NIPAL2: variants seen among roughly 807,000 people sequenced by gnomAD.
NIPAL2 encodes NIPA-like protein 2.
Under a neutral mutation model 48.9 loss-of-function variants are expected in NIPAL2, and 43 were observed. That is an observed-to-expected ratio of 0.88 (90% CI 0.69 to 1.13). The LOEUF (loss-of-function observed/expected upper bound fraction) is 1.13, where lower values mean the gene tolerates loss of function less well. Among genes scored for constraint, NIPAL2 ranks in the 50% most tolerant of loss-of-function variants. NIPAL2 has a pLI of 0.00. For missense variants in NIPAL2, 446 were observed against 461.4 expected (o/e 0.97, Z 0.31); for synonymous variants, 167 against 174.6 (o/e 0.96, Z 0.34).
Position 98,240,855 on chromosome 8 carries a change from G to A in NIPAL2, c.377-4641C>T, listed in dbSNP as rs1409065427. On this transcript the variant is annotated intron_variant, in intron 3 of 10. Coordinates refer to ENST00000430223, the MANE Select transcript of NIPAL2 (RefSeq NM_001321635.2). The stretch of plus-strand genomic sequence containing the variant: ...TGGCCGGGTGCTGGGCTGGGATGTA[G>A]AACACCTGGGTTTGAGTGTTGCTCT... Among the ~76,000 whole-genome samples the A allele has an allele frequency of 3.3e-5, 5 of 152,208 alleles. No homozygotes were observed. The East Asian group carries it at 9.6e-4, about 29-fold the overall frequency.
At chr8:98,222,667 T>C in intron 4 of NIPAL2, 67 bp from the exon 5 acceptor site, 1 of 1,525,704 alleles carries the variant, frequency 6.6e-7, no homozygotes, top group Non-Finnish European at 9.0e-7. Context: ...ACGCAGACAT[T>C]GCCTAGAGAC....
Position 98,222,556 on chromosome 8 carries a change from C to G in NIPAL2, c.481G>C (p.Ala161Pro). Residue 161 changes from alanine (A) to proline (P), a missense_variant, in exon 5 of 11, where the codon GCT (alanine) becomes CCT (proline). Transcript: ENST00000430223. ...GAGATTGCCTGAGTTATATTTGGAGCAAAGTTCACCAGTAAATATGTTCCT... is the reference window on the plus strand; with the variant it reads ...GAGATTGCCTGAGTTATATTTGGAGGAAAGTTCACCAGTAAATATGTTCCT... ...FAGTYLLVNFAPNITQAISAR... is the reference protein window; with the variant it reads ...FAGTYLLVNFPPNITQAISAR... The G allele has an allele frequency of 6.2e-7, 1 of 1,614,000 alleles. No homozygotes were observed. Among genetic ancestry groups the G allele is most frequent in the Non-Finnish European group, 8.5e-7 (1 of 1,179,898 alleles).
At chr8:98,261,499 G>A (rs1334457835) in intron 1 of NIPAL2, among the ~76,000 whole-genome samples, 4 of 144,616 alleles carry the variant, frequency 2.8e-5, no homozygotes, top group Non-Finnish European at 6.0e-5. Flanking sequence ...CTCAGGAGCC[G>A]ATGCGATCAA....
Position 98,278,119 on chromosome 8 carries a change from C to T in NIPAL2, c.135+15884G>A, listed in dbSNP as rs554649669. Reference sequence around the variant, plus strand: ...GTTATTATTCTGTTGACTTCTGGCCCTTATTGTTGTTGTTGATAAGTAGGT... The same window carrying T: ...GTTATTATTCTGTTGACTTCTGGCCTTTATTGTTGTTGTTGATAAGTAGGT... On this transcript the variant is annotated intron_variant, in intron 1 of 10. Transcript: ENST00000430223. 2.6e-5 allele frequency among the ~76,000 whole-genome samples: 4 copies of T among 152,202 alleles called. No homozygotes were observed. In the South Asian group the frequency reaches 8.3e-4, roughly 32 times the overall value.
chr8:98,215,653 T>C (rs1286246866), intron 5 of NIPAL2, among the ~76,000 whole-genome samples: 1 of 152,184 alleles, frequency 6.6e-6, no homozygotes, highest in African/African-American at 2.4e-5. Flanking sequence ...GGCAGCATAA[T>C]GGCCCCCATA....
At chr8:98,213,074 A>G (rs374357347) in intron 5 of NIPAL2, among the ~76,000 whole-genome samples, 10 of 152,328 alleles carry the variant, frequency 6.6e-5, no homozygotes, top group South Asian at 2.1e-4. Flanking sequence ...CATAGAGAAC[A>G]TATATGATGC....
intron 6 of NIPAL2, among the ~76,000 whole-genome samples, chr8:98,207,723 G>A (rs1811107737): frequency 6.6e-6 from 1 of 152,148 alleles, no homozygotes; most frequent in Non-Finnish European, 1.5e-5. Flanking sequence ...ATTTGGACAT[G>A]TTGTTATTTT....
chr8:98,213,957 G>T (rs1387237248), intron 5 of NIPAL2, among the ~76,000 whole-genome samples: 1 of 152,108 alleles, frequency 6.6e-6, no homozygotes, highest in Non-Finnish European at 1.5e-5. Flanking sequence ...CCCAATCTCT[G>T]GTGCCTGGCA....
intron 1 of NIPAL2, among the ~76,000 whole-genome samples, chr8:98,258,034 C>T (rs1290820120): frequency 1.3e-5 from 2 of 152,234 alleles, no homozygotes; most frequent in East Asian, 3.8e-4. Context: ...ATTGGTCACT[C>T]ATATTTGGCT....
intron 1 of NIPAL2, among the ~76,000 whole-genome samples, chr8:98,279,592 C>T (rs1815681965): frequency 6.6e-6 from 1 of 152,184 alleles, no homozygotes; most frequent in African/African-American, 2.4e-5. Flanking sequence ...CAAAGTCACA[C>T]AGCTAGATAG....
chr8:98,257,899 GA>G (rs34765406), intron 1 of NIPAL2, among the ~76,000 whole-genome samples: 13,422 of 152,218 alleles, frequency 0.088, 800 homozygotes, highest in Middle Eastern at 0.21. Flanking sequence ...TTTCTAGACG[GA>G]ACCAATGCAC....
intron 4 of NIPAL2, 117 bp from the exon 5 acceptor site, chr8:98,222,717 T>G: frequency 1.0e-6 from 1 of 959,136 alleles, no homozygotes; most frequent in South Asian, 1.6e-5. Context: ...CCCTCCCTAT[T>G]ATACTCCGTT....
chr8:98,195,880 C>T, intron 9 of NIPAL2, 62 bp downstream of exon 9: 3 of 1,207,200 alleles, frequency 2.5e-6, no homozygotes, highest in African/African-American at 1.5e-5. Context: ...CGGTACAATG[C>T]CGAAAATCCT....
chr8:98,196,768 A>G (rs1463402728), intron 8 of NIPAL2, among the ~76,000 whole-genome samples: 2 of 152,240 alleles, frequency 1.3e-5, no homozygotes, highest in African/African-American at 4.8e-5. Flanking sequence ...CCAGCCAACC[A>G]ATATTTATTG....
intron 5 of NIPAL2, 122 bp from the exon 6 acceptor site, chr8:98,212,623 G>A (rs1157503547): frequency 5.1e-6 from 3 of 592,044 alleles, no homozygotes; most frequent in African/African-American, 3.7e-5. Context: ...GAGGTTCCTA[G>A]GGATGACACA....
intron 3 of NIPAL2, among the ~76,000 whole-genome samples, chr8:98,246,083 C>T (rs1478488911): frequency 2.0e-5 from 3 of 152,138 alleles, no homozygotes; most frequent in East Asian, 1.9e-4. Context: ...GTTTGTGTAA[C>T]GCTATGGGTC....
chr8:98,255,003 T>A (rs191001329), intron 1 of NIPAL2, among the ~76,000 whole-genome samples: 111 of 152,322 alleles, frequency 7.3e-4, no homozygotes, highest in African/African-American at 2.6e-3. Context: ...TTTTATATTA[T>A]CATGTTTGCT....
chr8:98,255,092 C>T (rs764991737), intron 1 of NIPAL2, among the ~76,000 whole-genome samples: 2 of 152,114 alleles, frequency 1.3e-5, no homozygotes, highest in African/African-American at 2.4e-5. Flanking sequence ...GGGTCTTCTG[C>T]ATCATCTACT....
At chr8:98,290,806 G>A (rs369346140) in intron 1 of NIPAL2, among the ~76,000 whole-genome samples, 9 of 152,192 alleles carry the variant, frequency 5.9e-5, no homozygotes, top group Admixed American at 2.0e-4. Flanking sequence ...GAGCTGCAGC[G>A]GGGAGCACAG....
Sources: gnomAD v4.1 joint callset for allele counts (sites outside exome capture counted in the v4.1 genomes callset) on GRCh38, gnomAD v4.1.1 for gene constraint, MANE v1.5 for transcripts, NCBI Gene and HGNC (gene_info 2026-07-23, HGNC 2026-07-21) for gene names.